The following MPZL3 variants were observed in gnomAD, a reference collection of about 807,000 sequenced individuals.
MPZL3 encodes the protein myelin protein zero like 3.
A neutral mutation model predicts 24.8 loss-of-function variants in MPZL3; 23 were observed. The ratio of observed to expected loss-of-function variants is 0.93; its 90% CI spans 0.67 to 1.31. The LOEUF is 1.31. Among genes scored for constraint, MPZL3 ranks in the 40% most tolerant of loss-of-function variants. The pLI is 0.00. For synonymous variants in MPZL3, 99 were observed against 106.5 expected, an observed-to-expected ratio of 0.93 and a Z score of 0.44; for missense variants, 277 against 294.9, an observed-to-expected ratio of 0.94 and a Z score of 0.44.
At chr11:118,245,852 T>C (rs927233782) in intron 1 of MPZL3, among the ~76,000 whole-genome samples, 1 of 152,246 alleles carries the variant, frequency 6.6e-6, no homozygotes, top group Non-Finnish European at 1.5e-5. Flanking sequence ...AACACAGCCA[T>C]GTTCATTTGT....
chr11:118,240,175 T>C, intron 2 of MPZL3, 36 bp downstream of exon 2: 1 of 1,500,192 alleles, frequency 6.7e-7, no homozygotes, highest in Middle Eastern at 1.7e-4. Flanking sequence ...CCAAAACTGT[T>C]GACCAAAGGA....
chr11:118,228,409 G>A lies in MPZL3; in HGVS notation c.*1485C>T, dbSNP rs1334684935. On this transcript the variant is annotated 3_prime_UTR_variant, in exon 6 of 6. Coordinates refer to ENST00000278949, the MANE Select transcript of MPZL3 (RefSeq NM_198275.3). ...AATTTTTGTCTCTCATAATTGAGAA[G>A]TAAATCCAATCACTATTACAGAAGA... 1 of 152,158 alleles carries A rather than the reference G, an allele frequency of 6.6e-6. No individual in the cohort carries two copies. Among genetic ancestry groups the A allele is most frequent in the Admixed American group, 6.6e-5 (1 of 15,266 alleles). The allele number at this position is 152,158 out of a possible 1,614,324, so 9.4% of individuals were successfully genotyped here.
In MPZL3 at chr11:118,229,280, C is replaced by G. The variant is rs1035917475; in HGVS notation, c.*614G>C. 2 of 152,118 alleles carry G rather than the reference C, an allele frequency of 1.3e-5. No individual in the cohort carries two copies. The highest frequency in any genetic ancestry group is 4.8e-5 in the African/African-American group (2 of 41,384). The allele number at this position is 152,118 out of a possible 1,614,324, so 9.4% of individuals were successfully genotyped here. ...ACACTGTACTTAATACTTTAAAAAC[C>G]CAGTCAAAGCAAACCAATGACTTGA... is the stretch of plus-strand genomic sequence containing the variant. On this transcript the variant is annotated 3_prime_UTR_variant, in exon 6 of 6. Coordinates refer to ENST00000278949, the MANE Select transcript of MPZL3 (RefSeq NM_198275.3).
chr11:118,241,227 C>T (rs2134708118), intron 1 of MPZL3, among the ~76,000 whole-genome samples: 1 of 152,336 alleles, frequency 6.6e-6, no homozygotes, highest in Middle Eastern at 3.4e-3. Flanking sequence ...TAGGAAATGA[C>T]ATTGCCAGTA....
intron 1 of MPZL3, among the ~76,000 whole-genome samples, chr11:118,242,324 T>G (rs1949507938): frequency 6.6e-6 from 1 of 152,170 alleles, no homozygotes; most frequent in African/African-American, 2.4e-5. Context: ...AAGAAAATTT[T>G]TCATTTTGAT....
At chr11:118,235,780 G>A (rs548354064) in intron 3 of MPZL3, among the ~76,000 whole-genome samples, 191 bp from the exon 4 acceptor site, 1 of 152,258 alleles carries the variant, frequency 6.6e-6, no homozygotes, top group East Asian at 1.9e-4. Context: ...CACTACCTAG[G>A]AAGAACACTT....
intron 1 of MPZL3, among the ~76,000 whole-genome samples, chr11:118,240,783 A>ACACACACACACACTCT (rs1418485892): frequency 1.4e-5 from 2 of 140,440 alleles, no homozygotes; most frequent in Non-Finnish European, 3.1e-5. Flanking sequence ...ACACACACAC[A>ACACACACACACACTCT]CTCTGGGAAT....
At chr11:118,245,765 C>T (rs1565496153) in intron 1 of MPZL3, among the ~76,000 whole-genome samples, 1 of 152,096 alleles carries the variant, frequency 6.6e-6, no homozygotes, top group South Asian at 2.1e-4. Context: ...TGGCCTAAAT[C>T]AATTATGACA....
chr11:118,251,339 A>C (rs1793153), intron 1 of MPZL3, among the ~76,000 whole-genome samples: 117,993 of 151,474 alleles, frequency 0.78, 46,519 homozygotes, highest in African/African-American at 0.9. Context: ...ATATTAAACT[A>C]TTTATATTTA....
chr11:118,229,079 A>G lies in MPZL3; in HGVS notation c.*815T>C, dbSNP rs1949312517. The G allele has an allele frequency of 6.7e-6, 1 of 148,656 alleles. No homozygotes were observed. Among genetic ancestry groups the G allele is most frequent in the Non-Finnish European group, 1.5e-5 (1 of 67,756 alleles). The allele number at this position is 148,656 out of a possible 1,614,324, so 9.2% of individuals were successfully genotyped here. A position where few individuals can be genotyped will look rare whatever the true frequency, so the allele number is the denominator to read the frequency against. On this transcript the variant is annotated 3_prime_UTR_variant, in exon 6 of 6. Transcript: ENST00000278949. ...GAGGCAGAGGTTGCAGTGAGCCAAGATCACACCACTGCACTCCAGCCTGGC... is the reference window on the plus strand; with the variant it reads ...GAGGCAGAGGTTGCAGTGAGCCAAGGTCACACCACTGCACTCCAGCCTGGC...
chr11:118,235,415 T>C lies in MPZL3; in HGVS notation c.617+9A>G. On this transcript the variant is annotated intron_variant, in intron 4 of 5. Coordinates refer to ENST00000278949, the MANE Select transcript of MPZL3 (RefSeq NM_198275.3). ...CAGGCTTGCTGCCCAGGGCTCCTGC[T>C]GGACTTACTCATCGGAAACCTCAAT... The C allele has an allele frequency of 1.2e-6, 2 of 1,613,128 alleles. No homozygotes were observed. The highest frequency in any genetic ancestry group is 1.7e-6 in the Non-Finnish European group (2 of 1,179,548).
chr11:118,250,631 A>T (rs566137220), intron 1 of MPZL3, among the ~76,000 whole-genome samples: 3 of 152,062 alleles, frequency 2.0e-5, no homozygotes, highest in Non-Finnish European at 2.9e-5. Context: ...CCCAGGCTAG[A>T]GTGCAATGGC....
intron 5 of MPZL3, among the ~76,000 whole-genome samples, chr11:118,233,146 C>A (rs1949374391): frequency 6.6e-6 from 1 of 152,130 alleles, no homozygotes; most frequent in Admixed American, 6.5e-5. Flanking sequence ...CAGTCGAAGT[C>A]TCCTAGTATG....
chr11:118,235,384 A>T (rs1051153607), intron 4 of MPZL3, 40 bp downstream of exon 4: 1 of 1,608,466 alleles, frequency 6.2e-7, no homozygotes, highest in Non-Finnish European at 8.5e-7. Context: ...AGCGCTAAGG[A>T]GGAAACAGGC....
chr11:118,234,895 T>C (rs1262708827), intron 4 of MPZL3, among the ~76,000 whole-genome samples: 2 of 152,302 alleles, frequency 1.3e-5, no homozygotes, highest in African/African-American at 4.8e-5. Flanking sequence ...TACTAGATCA[T>C]GCCTGCTTAC....
In MPZL3 at chr11:118,252,345, G is replaced by A. The variant is rs769717716; in HGVS notation, c.-51C>T. The stretch of plus-strand genomic sequence containing the variant: ...CACCTTGTTTACAGCTCCCGGTAAC[G>A]ACACAGGTAACACCGGAAGTGACGT... On this transcript the variant is annotated 5_prime_UTR_variant, in exon 1 of 6. Coordinates refer to ENST00000278949, the MANE Select transcript of MPZL3 (RefSeq NM_198275.3). 1.3e-6 allele frequency: 2 copies of A among 1,574,586 alleles called. No individual in the cohort carries two copies. The highest frequency in any genetic ancestry group is 1.7e-6 in the Non-Finnish European group (2 of 1,146,508).
In MPZL3 at chr11:118,237,248, G is replaced by A; in HGVS notation, c.253C>T (p.Gln85Ter). 2 of 1,613,936 alleles carry A rather than the reference G, an allele frequency of 1.2e-6. No homozygotes were observed. Among genetic ancestry groups the A allele is most frequent in the Non-Finnish European group, 1.7e-6 (2 of 1,179,872 alleles). ...SSHTVSIFHYQSFQYPTTAGT... is the reference protein window; with the variant it reads ...SSHTVSIFHY The stretch of plus-strand genomic sequence containing the variant: ...GCTGTGGTTGGGTACTGGAAAGACT[G>A]ATAATGAAATATCTAAGAAAGCAAC... Residue 85 changes from glutamine (Q) to a stop codon, truncating the protein, a stop_gained, in exon 3 of 6, where the codon CAG becomes TAG. Coordinates refer to ENST00000278949, the MANE Select transcript of MPZL3 (RefSeq NM_198275.3). LOFTEE classifies it high-confidence loss of function.
chr11:118,232,535 A>G (rs138782820), intron 5 of MPZL3, among the ~76,000 whole-genome samples: 1 of 152,292 alleles, frequency 6.6e-6, no homozygotes, highest in Non-Finnish European at 1.5e-5. Flanking sequence ...AAGCACCTAG[A>G]ACAGTACATA....
At chr11:118,230,042 C>T (rs1949330980) in intron 5 of MPZL3, 122 bp from the exon 6 acceptor site, 1 of 787,364 alleles carries the variant, frequency 1.3e-6, no homozygotes, top group Non-Finnish European at 2.1e-6. Context: ...TGAAATGCCA[C>T]TGACTCAATA....
Sources: gnomAD v4.1 joint callset for allele counts (sites outside exome capture counted in the v4.1 genomes callset) on GRCh38, gnomAD v4.1.1 for gene constraint, MANE v1.5 for transcripts, NCBI Gene and HGNC (gene_info 2026-07-23, HGNC 2026-07-21) for gene names.